The following ABCB5 variants were observed in gnomAD, a reference collection of about 807,000 sequenced individuals.
The protein encoded by ABCB5 is ATP binding cassette subfamily B member 5.
A neutral mutation model predicts 144.2 loss-of-function variants in ABCB5; 155 were observed. That is an observed-to-expected ratio of 1.08 (90% confidence interval 0.94 to 1.23). ABCB5 has a LOEUF of 1.23. Ranked by LOEUF, ABCB5 falls within the 50% of genes most tolerant of loss-of-function variation. The probability of loss-of-function intolerance (pLI) is 0.00; values close to 1 mark genes in which losing one functional copy is unlikely to be tolerated. For synonymous variants in ABCB5, 610 were observed against 528.6 expected (o/e 1.15, Z -2.11); for missense variants, 1,830 against 1,520.8 (o/e 1.20, Z -3.38).
chr7:20,657,246 GGATTCCC>G (rs1346590965), intron 13 of ABCB5, among the ~76,000 whole-genome samples: 6 of 152,006 alleles, frequency 3.9e-5, no homozygotes, highest in African/African-American at 1.4e-4. Flanking sequence ...ATGAACTACT[GGATTCCC>G]AGTTAAATTT....
At chr7:20,646,355 A>G (rs958784858) in intron 9 of ABCB5, among the ~76,000 whole-genome samples, 4 of 152,242 alleles carry the variant, frequency 2.6e-5, no homozygotes, top group Non-Finnish European at 5.9e-5. Context: ...TGTGTCAAGC[A>G]TCTGCATTCC....
At chr7:20,680,382 C>A (rs1562558430) in intron 14 of ABCB5, among the ~76,000 whole-genome samples, 1 of 151,958 alleles carries the variant, frequency 6.6e-6, no homozygotes, top group South Asian at 2.1e-4. Flanking sequence ...CACGGTGAAA[C>A]CCTGTCTCTA....
chr7:20,729,460 G>A (rs1464673086), intron 23 of ABCB5, among the ~76,000 whole-genome samples: 1 of 152,118 alleles, frequency 6.6e-6, no homozygotes, highest in Non-Finnish European at 1.5e-5. Context: ...TGTCACATTT[G>A]GAATTGAATG....
chr7:20,646,059 C>A lies in ABCB5; in HGVS notation c.902C>A (p.Thr301Asn), dbSNP rs774057792. 1 of 1,613,766 alleles carries A rather than the reference C, an allele frequency of 6.2e-7. No homozygotes were observed. Among genetic ancestry groups the A allele is most frequent in the Non-Finnish European group, 8.5e-7 (1 of 1,179,778 alleles). The change falls in exon 9 of 28, where the codon ACC becomes AAC. Residue 301 changes from threonine (T) to asparagine (N), a missense_variant. Coordinates refer to ENST00000404938, the MANE Select transcript of ABCB5 (RefSeq NM_001163941.2). Reference sequence around the variant, plus strand: ...GCTGTGTACTTCTTTATGAATGGAACCTATGGACTTGCTTTTTGGTATGGA... The same window carrying A: ...GCTGTGTACTTCTTTATGAATGGAAACTATGGACTTGCTTTTTGGTATGGA... The part of the protein sequence containing the change: ...LGAVYFFMNG[T>N]YGLAFWYGTS...
intron 23 of ABCB5, among the ~76,000 whole-genome samples, chr7:20,734,600 T>C (rs1438168438): frequency 6.6e-6 from 1 of 151,778 alleles, no homozygotes; most frequent in Non-Finnish European, 1.5e-5. Context: ...TTCTTTAATG[T>C]GCTCATAATA....
At position 20,743,824 on chromosome 7, in the gene ABCB5, T is replaced by G. The variant is rs146926458; in HGVS notation, c.3222+750T>G. ...TCAATGAGTGTTTGCAAAACAGAGT[T>G]TAGGGACTCAAGGGAGTCCTAAAGG... is the stretch of plus-strand genomic sequence containing the variant. On this transcript the variant is annotated intron_variant, in intron 25 of 27. Coordinates refer to ENST00000404938, the MANE Select transcript of ABCB5 (RefSeq NM_001163941.2). Among the ~76,000 whole-genome samples the G allele has an allele frequency of 1.6e-3, 237 of 152,134 alleles. 3 individuals carry two copies. Among genetic ancestry groups the G allele is most frequent in the African/African-American group, 5.5e-3 (227 of 41,522 alleles).
At chr7:20,720,900 C>T (rs545797427) in intron 20 of ABCB5, among the ~76,000 whole-genome samples, 44 of 141,492 alleles carry the variant, frequency 3.1e-4, no homozygotes, top group African/African-American at 1.0e-3. Context: ...GTCGAGATCG[C>T]GCCACTGCAC....
At chr7:20,673,133 T>C (rs1284038788) in intron 14 of ABCB5, among the ~76,000 whole-genome samples, 1 of 152,178 alleles carries the variant, frequency 6.6e-6, no homozygotes, top group Non-Finnish European at 1.5e-5. Context: ...TCAGGGAGTA[T>C]TCATGTATGA....
chr7:20,736,242 G>A (rs932395147), intron 23 of ABCB5, among the ~76,000 whole-genome samples: 2 of 151,858 alleles, frequency 1.3e-5, no homozygotes, highest in African/African-American at 2.4e-5. Context: ...TTCTTGAGAC[G>A]GAGTCTCACT....
rs1476616482 is a variant in ABCB5, at chr7:20,643,770, T to A, written c.678+138T>A. 6 of 934,256 alleles carry A rather than the reference T, an allele frequency of 6.4e-6. No individual in the cohort carries two copies. The African/African-American group carries it at 6.7e-5, about 10-fold the overall frequency. The allele number at this position is 934,256 out of a possible 1,614,324, so 57.9% of individuals were successfully genotyped here. On this transcript the variant is annotated intron_variant, in intron 7 of 27. Coordinates refer to ENST00000404938, the MANE Select transcript of ABCB5 (RefSeq NM_001163941.2). ...AAGGGATATTATACACCACAAATAC[T>A]TTTGATTTTGTTCACCATTAATCCC...
intron 15 of ABCB5, among the ~76,000 whole-genome samples, chr7:20,682,796 C>T (rs539661528): frequency 6.6e-6 from 1 of 152,170 alleles, no homozygotes; most frequent in Non-Finnish European, 1.5e-5. Flanking sequence ...AAAGCTCATA[C>T]TGGGCAATCA....
chr7:20,660,842 C>T (rs1239841699), intron 14 of ABCB5, among the ~76,000 whole-genome samples: 2 of 152,192 alleles, frequency 1.3e-5, no homozygotes, highest in Non-Finnish European at 1.5e-5. Context: ...CACTCCACAA[C>T]CTGCCCTCAC....
rs748180190 is a variant in ABCB5 at position 20,681,577 on chromosome 7, A to T, written c.1780A>T (p.Thr594Ser). The change falls in exon 15 of 28, where the codon ACC becomes TCC. Residue 594 changes from threonine (T) to serine (S), a missense_variant. By Grantham distance (58) the Thr-to-Ser change is moderately conservative. Coordinates refer to ENST00000404938, the MANE Select transcript of ABCB5 (RefSeq NM_001163941.2). Reference sequence around the variant, plus strand: ...TATTCGAAGTGCAGATTTGATTGTGACCCTAAAGGATGGAATGCTGGCGGA... The same window carrying T: ...TATTCGAAGTGCAGATTTGATTGTGTCCCTAAAGGATGGAATGCTGGCGGA... ...STIRSADLIVTLKDGMLAEKG... is the reference protein window; with the variant it reads ...STIRSADLIVSLKDGMLAEKG... 59 of 1,614,078 alleles carry T rather than the reference A, an allele frequency of 3.7e-5. No individual in the cohort carries two copies. Among genetic ancestry groups the T allele is most frequent in the Middle Eastern group, 1.6e-4 (1 of 6,084 alleles).
intron 9 of ABCB5, among the ~76,000 whole-genome samples, chr7:20,647,035 G>T (rs1784427585): frequency 6.6e-6 from 1 of 152,194 alleles, no homozygotes; most frequent in Non-Finnish European, 1.5e-5. Flanking sequence ...ACTTTTTGCA[G>T]AGATGAGTCT....
At chr7:20,636,386 T>C (rs572438429) in intron 5 of ABCB5, among the ~76,000 whole-genome samples, 224 of 152,272 alleles carry the variant, frequency 1.5e-3, no homozygotes, top group African/African-American at 5.4e-3. Context: ...TATGTCTATG[T>C]ACAGTTATGT....
chr7:20,711,542 G>T lies in ABCB5; in HGVS notation c.2421+6735G>T, dbSNP rs892567973. On this transcript the variant is annotated intron_variant, in intron 20 of 27. Transcript: ENST00000404938. ...AGTGGTGTGATCACTACTCATTGCA[G>T]CCTTGACCTACCAGGCTCAGGTGAT... Among the ~76,000 whole-genome samples the T allele has an allele frequency of 1.2e-4, 18 of 146,814 alleles. 1 individual carries two copies. Among genetic ancestry groups the T allele is most frequent in the Non-Finnish European group, 2.5e-4 (17 of 66,680 alleles).
At chr7:20,730,999 C>T (rs1782191537) in intron 23 of ABCB5, among the ~76,000 whole-genome samples, 1 of 152,004 alleles carries the variant, frequency 6.6e-6, no homozygotes, top group Non-Finnish European at 1.5e-5. Flanking sequence ...GAAGAATTTT[C>T]ATCTGTTTTC....
rs370371976 is a variant in ABCB5 at position 20,650,089 on chromosome 7, G to A, written c.1274G>A (p.Ser425Asn). 4.3e-6 allele frequency: 7 copies of A among 1,613,716 alleles called. No individual in the cohort carries two copies. The highest frequency in any genetic ancestry group is 2.2e-5 in the East Asian group (1 of 44,884). ...ETVALVGLNG[S>N]GKSTVVQLLQ... ...GTCGCCTTGGTCGGTCTCAATGGCA[G>A]TGGGAAGAGTACGGTAGTCCAGCTT... Residue 425 changes from serine (S) to asparagine (N), a missense_variant, in exon 12 of 28, where the codon AGT becomes AAT. By Grantham distance (46) the Ser-to-Asn change is conservative. Transcript: ENST00000404938.
At chr7:20,684,596 T>G (rs147712289) in intron 15 of ABCB5, among the ~76,000 whole-genome samples, 53 of 147,532 alleles carry the variant, frequency 3.6e-4, no homozygotes, top group African/African-American at 1.3e-3. Flanking sequence ...TCTAAATAAG[T>G]AAATAAATAA....
Sources: gnomAD v4.1 joint callset for allele counts (sites outside exome capture counted in the v4.1 genomes callset) on GRCh38, gnomAD v4.1.1 for gene constraint, MANE v1.5 for transcripts, NCBI Gene and HGNC (gene_info 2026-07-23, HGNC 2026-07-21) for gene names.